PELP1: variants seen among roughly 807,000 people sequenced by gnomAD.
PELP1 encodes the protein proline-, glutamic acid- and leucine-rich protein 1.
A neutral mutation model predicts 95.5 loss-of-function variants in PELP1; 32 were observed. The ratio of observed to expected loss-of-function variants is 0.34; its 90% confidence interval spans 0.25 to 0.45. The LOEUF is 0.45. Ranked by LOEUF, PELP1 falls within the 20% of genes least tolerant of loss-of-function variation. The pLI, the probability that PELP1 is intolerant of heterozygous loss-of-function variation, is 1.00. For missense variants in PELP1, 1,358 were observed against 1,444.8 expected (o/e 0.94, Z 0.97); for synonymous variants, 668 against 600.1 (o/e 1.11, Z -1.65).
Position 4,690,885 on chromosome 17 carries a change from C to A in PELP1, c.420+3G>T. ...GGAAGTAGGGCAGCAGCTGAAACCT[C>A]ACCTGTAACACCTGCTGAATGCTCC... On this transcript the variant is annotated splice_donor_region_variant and intron_variant, in intron 3 of 16. Transcript: ENST00000572293. The A allele has an allele frequency of 5.0e-6, 8 of 1,598,550 alleles. No individual in the cohort carries two copies. The highest frequency in any genetic ancestry group is 6.9e-6 in the Non-Finnish European group (8 of 1,165,850).
chr17:4,685,129 T>C (rs1367226447), intron 3 of PELP1, among the ~76,000 whole-genome samples: 4 of 152,198 alleles, frequency 2.6e-5, no homozygotes, highest in African/African-American at 9.6e-5. Context: ...CATTCGCTTC[T>C]TATCCCGTGC....
At chr17:4,701,042 C>T (rs1198871665) in intron 1 of PELP1, among the ~76,000 whole-genome samples, 2 of 52,966 alleles carry the variant, frequency 3.8e-5, no homozygotes, top group Admixed American at 3.9e-4. Flanking sequence ...AATGAAATAA[C>T]ATTGGCAAAC....
intron 5 of PELP1, among the ~76,000 whole-genome samples, chr17:4,677,882 C>T (rs1403268182): frequency 6.7e-6 from 1 of 149,896 alleles, no homozygotes; most frequent in Non-Finnish European, 1.5e-5. Flanking sequence ...AGTCAGTGTA[C>T]TCTAGCCTGG....
At chr17:4,682,458 C>T (rs1472626854) in intron 5 of PELP1, 44 bp downstream of exon 5, 2 of 1,304,682 alleles carry the variant, frequency 1.5e-6, no homozygotes, top group Non-Finnish European at 2.2e-6. Flanking sequence ...GGTAAGAGCT[C>T]TCAACGCTTA....
rs1220010990 is a variant in PELP1, at chr17:4,672,749, G to A, written c.2242C>T (p.Pro748Ser). ...AAAGTTTCATCTGGGGGTATAGTAGGTGGGGGAGTCCCACTAGGGGCAAGG... is the reference window on the plus strand; with the variant it reads ...AAAGTTTCATCTGGGGGTATAGTAGATGGGGGAGTCCCACTAGGGGCAAGG... ...PILAPSGTPP[P>S]TIPPDETFGG... Residue 748 changes from proline to serine, a missense_variant, in exon 16 of 17, where the codon CCT becomes TCT. Pro to Ser is a moderately conservative substitution (Grantham distance 74). This residue lies in a region of PELP1 where 340 missense variants were observed against 322.9 expected (regional missense o/e 1.05). Coordinates refer to ENST00000572293, the MANE Select transcript of PELP1 (RefSeq NM_014389.3). The A allele has an allele frequency of 6.2e-7, 1 of 1,613,654 alleles. No individual in the cohort carries two copies. Among genetic ancestry groups the A allele is most frequent in the African/African-American group, 1.3e-5 (1 of 75,048 alleles).
At position 4,673,602 on chromosome 17, in the gene PELP1, G is replaced by A; in HGVS notation, c.1638+17C>T. ...GGGCCCCTTCCCCTATCTCCACGGA[G>A]ACGAGGCTCCACTAACCCTGTGAGT... On this transcript the variant is annotated intron_variant, in intron 14 of 16. Coordinates refer to ENST00000572293, the MANE Select transcript of PELP1 (RefSeq NM_014389.3). The surrounding 1 kb of genome is among the most constrained non-coding windows in gnomAD (Gnocchi z 5.7). 1 of 1,612,442 alleles carries A rather than the reference G, an allele frequency of 6.2e-7. No homozygotes were observed.
chr17:4,674,611 G>T lies in PELP1; in HGVS notation c.1481C>A (p.Pro494His). 1 of 1,608,222 alleles carries T rather than the reference G, an allele frequency of 6.2e-7. No homozygotes were observed. Among genetic ancestry groups the T allele is most frequent in the Non-Finnish European group, 8.5e-7 (1 of 1,178,282 alleles). Residue 494 changes from proline (P) to histidine (H), a missense_variant, in exon 13 of 17, where the codon CCC (proline) becomes CAC (histidine). By Grantham distance (77) the Pro-to-His change is moderately conservative. This residue lies in a region of PELP1 where 538 missense variants were observed against 628.1 expected (regional missense o/e 0.86). Transcript: ENST00000572293. ...CCCCACATCCAGCTTTAGCTTCTTG[G>T]GGGCGCTAGGCTTCCCAGTCTGCAA... ...GSLQTGKPSAPKKLKLDVGEA... is the reference protein window; with the variant it reads ...GSLQTGKPSAHKKLKLDVGEA...
chr17:4,701,053 G>A (rs1225480255), intron 1 of PELP1, among the ~76,000 whole-genome samples: 6 of 132,700 alleles, frequency 4.5e-5, no homozygotes, highest in African/African-American at 1.1e-4. Flanking sequence ...ATTGGCAAAC[G>A]TTCACTGTTA....
chr17:4,682,645 C>G, intron 4 of PELP1, 72 bp from the exon 5 acceptor site: 1 of 1,437,960 alleles, frequency 7.0e-7, no homozygotes, highest in South Asian at 1.2e-5. Context: ...CCCCCAGCAC[C>G]CCACAAGGGC....
At chr17:4,702,628 C>G (rs574366191) in intron 1 of PELP1, among the ~76,000 whole-genome samples, 124 of 152,244 alleles carry the variant, frequency 8.1e-4, no homozygotes, top group African/African-American at 2.9e-3. Flanking sequence ...ATGTTAAAGA[C>G]AAACAGATAG....
chr17:4,688,059 G>A (rs1240859428), intron 3 of PELP1, among the ~76,000 whole-genome samples: 2 of 152,194 alleles, frequency 1.3e-5, no homozygotes, highest in African/African-American at 2.4e-5. Context: ...TCTAGGCCAG[G>A]CACAGTGGCT....
chr17:4,694,381 G>A (rs902089322), intron 1 of PELP1, among the ~76,000 whole-genome samples: 1 of 151,876 alleles, frequency 6.6e-6, no homozygotes, highest in Non-Finnish European at 1.5e-5. Context: ...GCCGGGCGCA[G>A]TGGCTCATGC....
chr17:4,673,162 G>A lies in PELP1; in HGVS notation c.1846-17C>T. The A allele has an allele frequency of 6.6e-7, 1 of 1,512,280 alleles. No homozygotes were observed. 93.7% of individuals were successfully genotyped at this position (1,512,280 alleles called of 1,614,324 possible). On this transcript the variant is annotated splice_polypyrimidine_tract_variant and intron_variant, in intron 15 of 16. Coordinates refer to ENST00000572293, the MANE Select transcript of PELP1 (RefSeq NM_014389.3). This position sits in a 1 kb window ranked among gnomAD's most constrained non-coding sequence, Gnocchi z 5.7. ...AGAGGAGACCTGAGGAAAGAAGAAAGGGCAAGTGTGAGCACCAGAAATACT... is the reference window on the plus strand; with the variant it reads ...AGAGGAGACCTGAGGAAAGAAGAAAAGGCAAGTGTGAGCACCAGAAATACT...
intron 2 of PELP1, 190 bp downstream of exon 2, chr17:4,691,188 G>A: frequency 1.6e-6 from 1 of 638,460 alleles, no homozygotes; most frequent in Non-Finnish European, 2.8e-6. Context: ...GGGTGGAATA[G>A]GACATCTGGG....
Position 4,673,317 on chromosome 17 carries a change from C to T in PELP1, c.1778G>A (p.Arg593His), listed in dbSNP as rs373356661. Residue 593 changes from arginine to histidine, a missense_variant, in exon 15 of 17, where the codon CGC becomes CAC. Arg to His is a conservative substitution (Grantham distance 29, BLOSUM62 0). Around this residue, in one of 7 missense-constraint regions of PELP1, gnomAD observed 538 missense variants for 628.1 expected, o/e 0.86. Transcript: ENST00000572293. The surrounding 1 kb of genome is among the most constrained non-coding windows in gnomAD (Gnocchi z 5.7). Reference sequence around the variant, plus strand: ...GGCACAGGCAAGAGGAGGTGGGCAGCGAGGAGACGGGGCCAGCAGCAGCGC... The same window carrying T: ...GGCACAGGCAAGAGGAGGTGGGCAGTGAGGAGACGGGGCCAGCAGCAGCGC... Reference protein sequence around the residue: ...LLALLLAPSPRCPPPLACALQ... With the variant: ...LLALLLAPSPHCPPPLACALQ... 5 of 1,586,920 alleles carry T rather than the reference C, an allele frequency of 3.2e-6. No individual in the cohort carries two copies. Among genetic ancestry groups the T allele is most frequent in the South Asian group, 1.1e-5 (1 of 87,284 alleles).
chr17:4,676,313 G>C, intron 7 of PELP1, 44 bp downstream of exon 7: 1 of 1,594,696 alleles, frequency 6.3e-7, no homozygotes, highest in South Asian at 1.1e-5. Context: ...TTCCTGCCAC[G>C]CTTCCTCACT....
In PELP1 at chr17:4,672,237, C is replaced by G; in HGVS notation, c.2754G>C (p.Glu918Asp). ...CCTCTTCTTCCTCTTCAAAATATTC[C>G]TCTTCATCCTCTTCCTCTTCCTCAA... is the stretch of plus-strand genomic sequence containing the variant. ...EDFEEEEEDE[E>D]EYFEEEEEEE... The change falls in exon 16 of 17, where the codon GAG (glutamate) becomes GAC (aspartate). Residue 918 changes from glutamate to aspartate, a missense_variant. By Grantham distance (45) the Glu-to-Asp change is conservative. This residue lies in a region of PELP1 where 283 missense variants were observed against 284.1 expected (regional missense o/e 1.00). Coordinates refer to ENST00000572293, the MANE Select transcript of PELP1 (RefSeq NM_014389.3). 3.9e-6 allele frequency: 6 copies of G among 1,552,350 alleles called. No individual in the cohort carries two copies. The highest frequency in any genetic ancestry group is 5.2e-6 in the Non-Finnish European group (6 of 1,147,446).
chr17:4,675,481 C>G lies in PELP1; in HGVS notation c.1069-119G>C. The G allele has an allele frequency of 1.3e-6, 1 of 742,680 alleles. No homozygotes were observed. Among genetic ancestry groups the G allele is most frequent in the South Asian group, 1.5e-5 (1 of 67,570 alleles). 46.0% of individuals were successfully genotyped at this position (742,680 alleles called of 1,614,324 possible). ...ATAGGTAAGAAACCCAACCCCTGATCTCAGCTCTCCCAACAAAATCAAACC... is the reference window on the plus strand; with the variant it reads ...ATAGGTAAGAAACCCAACCCCTGATGTCAGCTCTCCCAACAAAATCAAACC... On this transcript the variant is annotated intron_variant, in intron 9 of 16. Transcript: ENST00000572293. This position sits in a 1 kb window ranked among gnomAD's most constrained non-coding sequence, Gnocchi z 4.3.
rs1440651615 is a variant in PELP1 at position 4,676,758 on chromosome 17, G to T, written c.697C>A (p.Gln233Lys). 63 of 1,568,394 alleles carry T rather than the reference G, an allele frequency of 4.0e-5. No individual in the cohort carries two copies. The highest frequency in any genetic ancestry group is 5.4e-5 in the Non-Finnish European group (62 of 1,156,148). Residue 233 changes from glutamine (Q) to lysine (K), a missense_variant, in exon 6 of 17, where the codon CAA becomes AAA. This residue lies in a region of PELP1 where 538 missense variants were observed against 628.1 expected (regional missense o/e 0.86). Coordinates refer to ENST00000572293, the MANE Select transcript of PELP1 (RefSeq NM_014389.3). ...SRVDALSPQL[Q>K]QLACECYSRL... ...TCTCCCTCCCTGCCCTTTACCTGTT[G>T]GAGCTGAGGGCTCAAGGCATCCACC...
Sources: allele counts gnomAD v4.1 joint callset (sites outside exome capture counted in the v4.1 genomes callset), GRCh38; gene constraint gnomAD v4.1.1; regional missense constraint gnomAD v4.1.1; non-coding constraint Gnocchi (gnomAD v3.1); transcripts MANE v1.5; gene names NCBI Gene and HGNC (gene_info 2026-07-23, HGNC 2026-07-21).